The following NEK1 variants were observed in gnomAD, a reference collection of about 807,000 sequenced individuals.
NEK1 encodes the protein NIMA related kinase 1, also known as serine/threonine-protein kinase Nek1.
A neutral mutation model predicts 182.1 loss-of-function variants in NEK1; 137 were observed. That is an observed-to-expected ratio of 0.75 (90% CI 0.65 to 0.87). The LOEUF is 0.87. Ranked by LOEUF, NEK1 falls within the 40% of genes least tolerant of loss-of-function variation. The pLI, the probability that NEK1 is intolerant of heterozygous loss-of-function variation, is 0.00. For missense variants in NEK1, 1,391 were observed against 1,494.4 expected, an observed-to-expected ratio of 0.93 and a Z score of 1.14; for synonymous variants, 513 against 492.2, an observed-to-expected ratio of 1.04 and a Z score of -0.56.
chr4:169,578,954 A>G (rs530866029), intron 11 of NEK1, among the ~76,000 whole-genome samples: 10 of 152,220 alleles, frequency 6.6e-5, no homozygotes, highest in Non-Finnish European at 1.5e-4. Flanking sequence ...ACATACACAT[A>G]TACACACACA....
At chr4:169,495,642 C>A (rs1228911043) in intron 23 of NEK1, among the ~76,000 whole-genome samples, 4 of 152,164 alleles carry the variant, frequency 2.6e-5, no homozygotes, top group Non-Finnish European at 2.9e-5. Flanking sequence ...TTTCCCAGCA[C>A]CATTTATTAA....
At chr4:169,546,658 C>T (rs187137372) in intron 18 of NEK1, among the ~76,000 whole-genome samples, 128 of 152,240 alleles carry the variant, frequency 8.4e-4, no homozygotes, top group African/African-American at 2.9e-3. Context: ...TCTGGGTGCT[C>T]CTGTATTGGG....
At chr4:169,555,074 G>T (rs1397251121) in intron 18 of NEK1, 1 of 152,288 alleles carries the variant, frequency 6.6e-6, no homozygotes, top group Non-Finnish European at 1.5e-5. Flanking sequence ...ATGCATATGT[G>T]TAAGTCTGTA....
intron 26 of NEK1, among the ~76,000 whole-genome samples, chr4:169,474,631 C>T (rs1405857976): frequency 6.6e-6 from 1 of 152,146 alleles, no homozygotes; most frequent in East Asian, 1.9e-4. Context: ...AATATGTTAC[C>T]TCTCTTCCTG....
chr4:169,405,802 C>T (rs1184485546), intron 32 of NEK1, among the ~76,000 whole-genome samples: 1 of 152,020 alleles, frequency 6.6e-6, no homozygotes, highest in African/African-American at 2.4e-5. Context: ...ACAAACCTGG[C>T]TATTAAAAAA....
At chr4:169,548,329 C>A (rs1356166078) in intron 18 of NEK1, among the ~76,000 whole-genome samples, 1 of 152,256 alleles carries the variant, frequency 6.6e-6, no homozygotes, top group African/African-American at 2.4e-5. Flanking sequence ...CCTGTTCCTT[C>A]CTCTGGAAGC....
chr4:169,525,998 G>A (rs1196665294), intron 19 of NEK1, among the ~76,000 whole-genome samples: 1 of 152,136 alleles, frequency 6.6e-6, no homozygotes, highest in Non-Finnish European at 1.5e-5. Context: ...TTACTATCAG[G>A]AGTAGATTTT....
In NEK1 at chr4:169,512,329, A is replaced by G. The variant is rs576977204; in HGVS notation, c.1666-3477T>C. On this transcript the variant is annotated intron_variant, in intron 19 of 35. Transcript: ENST00000507142. ...TAGCCATTTTGATAGGTGTGAAGTG[A>G]TAACATCATTGTGGTTTAAGTTTGC... Among the ~76,000 whole-genome samples the G allele has an allele frequency of 9.9e-5, 15 of 152,212 alleles. No homozygotes were observed. In the East Asian group the frequency reaches 2.9e-3, roughly 29 times the overall value.
chr4:169,485,646 A>C (rs1026951868), intron 23 of NEK1, among the ~76,000 whole-genome samples: 3 of 152,174 alleles, frequency 2.0e-5, no homozygotes, highest in African/African-American at 7.2e-5. Context: ...AAATATAAAA[A>C]TTTGGAACAA....
At chr4:169,518,857 T>A (rs1290090835) in intron 19 of NEK1, among the ~76,000 whole-genome samples, 1 of 101,600 alleles carries the variant, frequency 9.8e-6, no homozygotes, top group Non-Finnish European at 1.9e-5. Flanking sequence ...TTGATTGCAC[T>A]GTGGTCTGAG....
Position 169,607,309 on chromosome 4 carries a change from T to C in NEK1, c.-48-4631A>G, listed in dbSNP as rs560878599. Among the ~76,000 whole-genome samples the C allele has an allele frequency of 1.2e-3, 176 of 152,232 alleles. 2 individuals are homozygous for C. The highest frequency in any genetic ancestry group is 3.9e-3 in the African/African-American group (161 of 41,556). On this transcript the variant is annotated intron_variant, in intron 2 of 35. Transcript: ENST00000507142. ...GATGCACATTAAACAAAAACAGATA[T>C]AGACTCACAAATGACTCAAACATGA...
At position 169,400,285 on chromosome 4, in the gene NEK1, G is replaced by A. The variant is rs1318208333; in HGVS notation, c.3787C>T (p.His1263Tyr). ...KIVQNILGNE[H>Y]QHLYAKILHL... ...AGAATCTTGGCATAAAGATGCTGAT[G>A]TTCATTTCCCAAAATATTTTGAACT... The change falls in exon 35 of 36, where the codon CAT (histidine) becomes TAT (tyrosine). Residue 1263 changes from histidine to tyrosine, a missense_variant. Around this residue, in one of 5 missense-constraint regions of NEK1, gnomAD observed 1,216 missense variants for 1,277.6 expected, o/e 0.95. Coordinates refer to ENST00000507142, the MANE Select transcript of NEK1 (RefSeq NM_001199397.3). 4 of 1,564,570 alleles carry A rather than the reference G, an allele frequency of 2.6e-6. No individual in the cohort carries two copies. Among genetic ancestry groups the A allele is most frequent in the Admixed American group, 1.9e-5 (1 of 53,406 alleles).
chr4:169,574,531 C>T (rs996295977), intron 12 of NEK1, among the ~76,000 whole-genome samples: 1 of 151,658 alleles, frequency 6.6e-6, no homozygotes, highest in South Asian at 2.1e-4. Context: ...GGCGTGAACC[C>T]GCGAGGCGGA....
chr4:169,559,309 A>C (rs1762570830), intron 16 of NEK1, among the ~76,000 whole-genome samples: 1 of 152,214 alleles, frequency 6.6e-6, no homozygotes, highest in African/African-American at 2.4e-5. Context: ...CAAGTTGATA[A>C]GCTTTCTCTT....
At chr4:169,491,534 TAGA>T (rs1750091853) in intron 23 of NEK1, among the ~76,000 whole-genome samples, 1 of 152,072 alleles carries the variant, frequency 6.6e-6, no homozygotes, top group South Asian at 2.1e-4. Context: ...AGAAATAAAA[TAGA>T]AGTAAAGTCT....
intron 27 of NEK1, among the ~76,000 whole-genome samples, chr4:169,462,769 C>T (rs536356515): frequency 2.0e-5 from 3 of 152,264 alleles, no homozygotes; most frequent in South Asian, 4.1e-4. Flanking sequence ...AGCCACTCTT[C>T]TTGATGCATA....
At chr4:169,457,691 A>G (rs1743161410) in intron 27 of NEK1, among the ~76,000 whole-genome samples, 1 of 120,614 alleles carries the variant, frequency 8.3e-6, no homozygotes, top group Non-Finnish European at 1.7e-5. Context: ...AAGGAGAGAA[A>G]GAAGGGGGGA....
At chr4:169,531,984 G>C (rs1757749234) in intron 19 of NEK1, among the ~76,000 whole-genome samples, 1 of 152,144 alleles carries the variant, frequency 6.6e-6, no homozygotes, top group Admixed American at 6.5e-5. Context: ...TAACACTCCA[G>C]TCACAAGAAA....
intron 2 of NEK1, 30 bp from the exon 3 acceptor site, chr4:169,602,708 T>C: frequency 1.3e-6 from 1 of 775,786 alleles, no homozygotes; most frequent in South Asian, 1.6e-5. Context: ...ATTTATAACA[T>C]GAGATAAAAC....
Sources: allele counts gnomAD v4.1 joint callset (sites outside exome capture counted in the v4.1 genomes callset), GRCh38; gene constraint gnomAD v4.1.1; regional missense constraint gnomAD v4.1.1; transcripts MANE v1.5; gene names NCBI Gene and HGNC (gene_info 2026-07-23, HGNC 2026-07-21).